Variants in HEATR6 observed in about 807,000 individuals in gnomAD.
The protein encoded by HEATR6 is HEAT repeat containing 6, also known as HEAT repeat-containing protein 6.
A neutral mutation model predicts 132.8 loss-of-function variants in HEATR6; 106 were observed. That is an observed-to-expected ratio of 0.80 (90% confidence interval 0.68 to 0.94). The LOEUF is 0.94. Ranked by LOEUF, HEATR6 falls within the 40% of genes least tolerant of loss-of-function variation. HEATR6 has a pLI of 0.00. For missense variants in HEATR6, 1,339 were observed against 1,425.1 expected (o/e 0.94, Z 0.97); for synonymous variants, 529 against 537.8 (o/e 0.98, Z 0.23).
chr17:60,078,612 A>T (rs956639426), intron 1 of HEATR6, 84 bp downstream of exon 1: 8 of 1,061,428 alleles, frequency 7.5e-6, no homozygotes, highest in Non-Finnish European at 6.8e-6. Context: ...GAGTGGGAAG[A>T]TCAGGGAAAG....
intron 5 of HEATR6, among the ~76,000 whole-genome samples, chr17:60,071,434 C>T (rs1330669050): frequency 6.6e-6 from 1 of 152,166 alleles, no homozygotes; most frequent in Non-Finnish European, 1.5e-5. Context: ...AAATGTAAAA[C>T]TCAACAACAA....
In HEATR6 at chr17:60,046,099, T is replaced by C; in HGVS notation, c.2900A>G (p.Glu967Gly). ...ATTCCATCGGACTTTCATGGCAGCT[T>C]CTGTTAGAACAGTAGAAATTAGGGC... is the stretch of plus-strand genomic sequence containing the variant. ...IQALISTVLT[E>G]AAMKVRWNAC... The change falls in exon 19 of 20, where the codon GAA becomes GGA. Residue 967 changes from glutamate (E) to glycine (G), a missense_variant. Transcript: ENST00000184956. The C allele has an allele frequency of 6.2e-7, 1 of 1,614,092 alleles. No individual in the cohort carries two copies. The highest frequency in any genetic ancestry group is 8.5e-7 in the Non-Finnish European group (1 of 1,179,962).
chr17:60,066,089 G>C (rs1476199877), intron 9 of HEATR6, 120 bp downstream of exon 9: 3 of 814,772 alleles, frequency 3.7e-6, no homozygotes, highest in Non-Finnish European at 5.9e-6. Context: ...GGTCAAGTCG[G>C]AACTTGGGTC....
At chr17:60,046,272 A>G (rs771555078) in intron 18 of HEATR6, 43 bp from the exon 19 acceptor site, 14 of 1,490,724 alleles carry the variant, frequency 9.4e-6, no homozygotes, top group Non-Finnish European at 1.3e-5. Flanking sequence ...TTGGCCAAAG[A>G]GATGTTTCCA....
At position 60,048,972 on chromosome 17, in the gene HEATR6, CATATATATATAATAT is replaced by C. The variant is rs1291424310; in HGVS notation, c.2547+593_2548-585del. Among the ~76,000 whole-genome samples the C allele has an allele frequency of 8.7e-3, 517 of 59,514 alleles. 9 individuals are homozygous for C. The highest frequency in any genetic ancestry group is 0.054 in the South Asian group (133 of 2,456). 39.0% of individuals were successfully genotyped at this position (59,514 alleles called of 152,430 possible). ...GTAATTAAAAATTAAAAATAAATAA[CATATATATATAATAT>C]ATATATATATATATATATATATATA... On this transcript the variant is annotated intron_variant, in intron 16 of 19. Coordinates refer to ENST00000184956, the MANE Select transcript of HEATR6 (RefSeq NM_022070.5).
intron 9 of HEATR6, chr17:60,063,997 G>C (rs750758755): frequency 6.6e-6 from 1 of 152,096 alleles, no homozygotes; most frequent in Non-Finnish European, 1.5e-5. Context: ...TAACTTTCTA[G>C]AAGTCTTTAT....
chr17:60,063,829 C>T (rs942471398), intron 9 of HEATR6: 3 of 152,160 alleles, frequency 2.0e-5, no homozygotes, highest in African/African-American at 7.2e-5. Flanking sequence ...CTTATTTAAT[C>T]CTGGCTAAGA....
In HEATR6 at chr17:60,043,885, G is replaced by A; in HGVS notation, c.3224C>T (p.Ala1075Val). 10 of 1,614,170 alleles carry A rather than the reference G, an allele frequency of 6.2e-6. No individual in the cohort carries two copies. Among genetic ancestry groups the A allele is most frequent in the Non-Finnish European group, 8.5e-6 (10 of 1,180,030 alleles). The change falls in exon 20 of 20, where the codon GCA becomes GTA. Residue 1075 changes from alanine to valine, a missense_variant. By Grantham distance (64) the Ala-to-Val change is moderately conservative (BLOSUM62 0). Transcript: ENST00000184956. ...CVSLRTQICQ[A>V]LIHLLSLASA... ...GGCCAAGCTCAAGAGGTGAATCAGT[G>A]CCTGGCAGATTTGGGTCCGTAGGCT...
intron 15 of HEATR6, among the ~76,000 whole-genome samples, chr17:60,050,626 T>C (rs562778146): frequency 2.6e-5 from 4 of 152,326 alleles, no homozygotes; most frequent in East Asian, 3.9e-4. Context: ...CTCTACCACC[T>C]ACACTCTCAT....
rs2083248909 is a variant in HEATR6, at chr17:60,067,623, C to T, written c.1049G>A (p.Arg350Lys). 1.2e-6 allele frequency: 2 copies of T among 1,612,568 alleles called. No homozygotes were observed. The highest frequency in any genetic ancestry group is 2.7e-5 in the African/African-American group (2 of 74,960). Residue 350 changes from arginine to lysine, a missense_variant, in exon 8 of 20, where the codon AGA becomes AAA. Arg to Lys is a conservative substitution (Grantham distance 26). Transcript: ENST00000184956. ...AGTGTTCCCTTCATGCAGGTTCACT[C>T]TGCCTGTGCCAGTGACTGGGGCTGC... ...IEAAPVTGTG[R>K]VNLHEGNTWC...
At chr17:60,069,423 G>A (rs184501403) in intron 7 of HEATR6, among the ~76,000 whole-genome samples, 1 of 152,374 alleles carries the variant, frequency 6.6e-6, no homozygotes, top group East Asian at 1.9e-4. Flanking sequence ...GAGAACGTTT[G>A]TTGACTCCTG....
rs1906722993 is a variant in HEATR6, at chr17:60,055,743, C to CGAGTGACACCTTCACTT, written c.2203-143_2203-142insAAGTGAAGGTGTCACTC. 1.6e-5 allele frequency: 9 copies of CGAGTGACACCTTCACTT among 571,756 alleles called. No individual in the cohort carries two copies. The South Asian group carries it at 2.3e-4, about 14-fold the overall frequency. 35.4% of individuals were successfully genotyped at this position (571,756 alleles called of 1,614,324 possible). Reference sequence around the variant, plus strand: ...CCTTCACTCGAGTGACACCTTCACTCTAGTAACACCTTCACTTTAGTAACA... The same window carrying CGAGTGACACCTTCACTT: ...CCTTCACTCGAGTGACACCTTCACTCGAGTGACACCTTCACTTTAGTAACACCTTCACTTTAGTAACA... On this transcript the variant is annotated intron_variant, in intron 13 of 19. Transcript: ENST00000184956.
chr17:60,047,052 A>T (rs916373832), intron 18 of HEATR6, among the ~76,000 whole-genome samples: 2 of 152,014 alleles, frequency 1.3e-5, no homozygotes, highest in Non-Finnish European at 2.9e-5. Flanking sequence ...AAAAAAAGTT[A>T]ATTTTAAAAG....
At chr17:60,047,195 G>A (rs1400948960) in intron 18 of HEATR6, 114 bp downstream of exon 18, 2 of 644,286 alleles carry the variant, frequency 3.1e-6, no homozygotes, top group East Asian at 2.8e-5. Context: ...TTTTGAACAG[G>A]AGTACATTTG....
intron 13 of HEATR6, 24 bp from the exon 14 acceptor site, chr17:60,055,625 AG>A: frequency 6.4e-7 from 1 of 1,560,408 alleles, no homozygotes; most frequent in Non-Finnish European, 8.8e-7. Context: ...GAATTACCGA[AG>A]TGGAGCATCA....
In HEATR6 at chr17:60,052,220, T is replaced by C. The variant is rs1372451610; in HGVS notation, c.2290-1243A>G. ...CCTGGAAGAGGATCCTCCAACCCCA[T>C]CAAGTCTTGCAACCCGTCAGTTGAC... On this transcript the variant is annotated intron_variant, in intron 14 of 19. Transcript: ENST00000184956. Among the ~76,000 whole-genome samples the C allele has an allele frequency of 2.0e-5, 3 of 152,258 alleles. No homozygotes were observed. In the East Asian group the frequency reaches 5.8e-4, roughly 29 times the overall value.
chr17:60,072,118 G>A (rs1339250547), intron 5 of HEATR6, 97 bp downstream of exon 5: 2 of 481,844 alleles, frequency 4.2e-6, no homozygotes, highest in Non-Finnish European at 7.4e-6. Flanking sequence ...TTCTCTAGAC[G>A]AAGCTAATGG....
intron 16 of HEATR6, 45 bp downstream of exon 16, chr17:60,049,535 G>T (rs775593741): frequency 6.2e-7 from 1 of 1,609,410 alleles, no homozygotes; most frequent in South Asian, 1.1e-5. Flanking sequence ...GGGGTGTCAT[G>T]GACTACAAAA....
At chr17:60,052,837 G>GGAGGGGCTGGT (rs1172567868) in intron 14 of HEATR6, among the ~76,000 whole-genome samples, 1 of 152,256 alleles carries the variant, frequency 6.6e-6, no homozygotes, top group East Asian at 1.9e-4. Context: ...ATAGAATCGT[G>GGAGGGGCTGGT]GAGGGGCTGG....
Sources: allele counts gnomAD v4.1 joint callset (sites outside exome capture counted in the v4.1 genomes callset), GRCh38; gene constraint gnomAD v4.1.1; transcripts MANE v1.5; gene names NCBI Gene and HGNC (gene_info 2026-07-23, HGNC 2026-07-21).